NOTCH4: variants seen among roughly 807,000 people sequenced by gnomAD.
The protein encoded by NOTCH4 is notch receptor 4.
In NOTCH4, 138 loss-of-function variants were observed where a neutral mutation model predicts 189.0. That is an observed-to-expected ratio of 0.73 (90% CI 0.64 to 0.84). NOTCH4 has a LOEUF of 0.84. Ranked by LOEUF, NOTCH4 falls within the 40% of genes least tolerant of loss-of-function variation. NOTCH4 has a pLI of 0.00. For missense variants in NOTCH4, 2,286 were observed against 2,605.4 expected, an observed-to-expected ratio of 0.88 and a Z score of 2.67; for synonymous variants, 942 against 1,032.8, an observed-to-expected ratio of 0.91 and a Z score of 1.69.
chr6:32,220,503 T>G lies in NOTCH4; in HGVS notation c.1061A>C (p.Glu354Ala), dbSNP rs150865986. The G allele has an allele frequency of 1.2e-6, 2 of 1,613,464 alleles. No individual in the cohort carries two copies. The highest frequency in any genetic ancestry group is 4.5e-5 in the East Asian group (2 of 44,876). The change falls in exon 6 of 30, where the codon GAG becomes GCG. Residue 354 changes from glutamate (E) to alanine (A), a missense_variant. Around this residue, in one of 2 missense-constraint regions of NOTCH4, gnomAD observed 1,903 missense variants for 2,261.9 expected, o/e 0.84. Transcript: ENST00000375023. ...VSGWGGTSCE[E>A]NLDDCIAATC... ...GGCAGCAATACAGTCATCCAGGTTCTCCTCACAGCTTGTGCCGCCCCAGCC... is the reference window on the plus strand; with the variant it reads ...GGCAGCAATACAGTCATCCAGGTTCGCCTCACAGCTTGTGCCGCCCCAGCC...
At position 32,222,539 on chromosome 6, in the gene NOTCH4, T is replaced by C. The variant is rs1434938449; in HGVS notation, c.423A>G (p.Pro141=). ...TCCATCCAGGCATGCAGGAGCACTG[T>C]GGGCGGCCCGAGGCCTGGATGTGGC... is the stretch of plus-strand genomic sequence containing the variant. ...GRCHIQASGR[P]QCSCMPGWTG... Residue 141 remains proline, a synonymous_variant, in exon 3 of 30, where the codon CCA becomes CCG. Transcript: ENST00000375023. 6.4e-7 allele frequency: 1 copy of C among 1,555,998 alleles called. No individual in the cohort carries two copies. Among genetic ancestry groups the C allele is most frequent in the African/African-American group, 1.4e-5 (1 of 72,302 alleles).
chr6:32,195,724 G>A lies in NOTCH4; in HGVS notation c.5725C>T (p.Pro1909Ser). 1 of 1,612,792 alleles carries A rather than the reference G, an allele frequency of 6.2e-7. No homozygotes were observed. The highest frequency in any genetic ancestry group is 8.5e-7 in the Non-Finnish European group (1 of 1,179,924). The stretch of plus-strand genomic sequence containing the variant: ...GAAAACCTACGGCCGCGAGGGGTCG[G>A]GCCTCCTCCTGCTCCTACTCCCGAG... ...SLSGVGAGGGPTPRGRRFSAG... is the reference protein window; with the variant it reads ...SLSGVGAGGGSTPRGRRFSAG... Residue 1909 changes from proline to serine, a missense_variant, in exon 30 of 30, where the codon CCG becomes TCG. Pro to Ser is a moderately conservative substitution (Grantham distance 74, BLOSUM62 -1). This residue lies in a region of NOTCH4 where 383 missense variants were observed against 343.5 expected (regional missense o/e 1.11). Coordinates refer to ENST00000375023, the MANE Select transcript of NOTCH4 (RefSeq NM_004557.4). This position sits in a 1 kb window ranked among gnomAD's most constrained non-coding sequence, Gnocchi z 5.4.
Position 32,221,256 on chromosome 6 carries a change from G to A in NOTCH4, c.521C>T (p.Thr174Ile), listed in dbSNP as rs749296639. Residue 174 changes from threonine (T) to isoleucine (I), a missense_variant, in exon 4 of 30, where the codon ACA (threonine) becomes ATA (isoleucine). By Grantham distance (89) the Thr-to-Ile change is moderately conservative (BLOSUM62 -1). Coordinates refer to ENST00000375023, the MANE Select transcript of NOTCH4 (RefSeq NM_004557.4). The surrounding 1 kb of genome is among the most constrained non-coding windows in gnomAD (Gnocchi z 4.3). ...PCVNGGVCLATYPQIQCHCPP... is the reference protein window; with the variant it reads ...PCVNGGVCLAIYPQIQCHCPP... ...GCAGTGGCACTGGATCTGGGGGTAT[G>A]TGGCCAGACACACCCCTCCATTAAC... is the stretch of plus-strand genomic sequence containing the variant. 9.3e-6 allele frequency: 15 copies of A among 1,612,976 alleles called. No individual in the cohort carries two copies. The African/African-American group carries it at 9.3e-5, about 10-fold the overall frequency.
chr6:32,198,449 T>C lies in NOTCH4; in HGVS notation c.4728A>G (p.Glu1576=). The C allele has an allele frequency of 6.2e-7, 1 of 1,612,990 alleles. No homozygotes were observed. Among genetic ancestry groups the C allele is most frequent in the African/African-American group, 1.3e-5 (1 of 75,000 alleles). ...GTCCACGGGTGTCCAGGTCAGGGGC[T>C]TCCATCTCAGATTCCTGGGGAGGAG... ...MLTPPQESEM[E]APDLDTRGPD... The change falls in exon 26 of 30, where the codon GAA becomes GAG. Residue 1576 remains glutamate, a synonymous_variant. Coordinates refer to ENST00000375023, the MANE Select transcript of NOTCH4 (RefSeq NM_004557.4). This position sits in a 1 kb window ranked among gnomAD's most constrained non-coding sequence, Gnocchi z 5.5.
chr6:32,219,147 A>G (rs970949420), intron 8 of NOTCH4, among the ~76,000 whole-genome samples: 1 of 151,998 alleles, frequency 6.6e-6, no homozygotes, highest in African/African-American at 2.4e-5. Flanking sequence ...TGTTGTACCA[A>G]ATTTTCCTGT....
chr6:32,214,225 C>T lies in NOTCH4; in HGVS notation c.2052G>A (p.Thr684=), dbSNP rs74753673. The T allele has an allele frequency of 2.5e-3, 4,035 of 1,613,384 alleles. 145 individuals carry two copies. The East Asian group carries it at 0.077, about 31-fold the overall frequency. The part of the protein sequence containing the change: ...RSSCVCDVGW[T]GPECEAELGG... ...CTAGCTCTGCCTCACACTCTGGCCCCGTCCAACCCACGTCACACACACATG... is the reference window on the plus strand; with the variant it reads ...CTAGCTCTGCCTCACACTCTGGCCCTGTCCAACCCACGTCACACACACATG... The change falls in exon 13 of 30, where the codon ACG becomes ACA. Residue 684 remains threonine, a synonymous_variant. Coordinates refer to ENST00000375023, the MANE Select transcript of NOTCH4 (RefSeq NM_004557.4).
rs75484377 is a variant in NOTCH4, at chr6:32,211,125, T to C, written c.2681-189A>G. Among the ~76,000 whole-genome samples, 3,772 of 152,122 alleles carry C rather than the reference T, an allele frequency of 0.025. 111 individuals are homozygous for C. The highest frequency in any genetic ancestry group is 0.1 in the East Asian group (515 of 5,174). On this transcript the variant is annotated intron_variant, in intron 17 of 29. Coordinates refer to ENST00000375023, the MANE Select transcript of NOTCH4 (RefSeq NM_004557.4). ...AATACAAAAAATTGGTCGGGCGTTG[T>C]GGCAGGCACCTGTAATCCCAGCTAC...
At chr6:32,215,005 C>T (rs931615471) in intron 12 of NOTCH4, among the ~76,000 whole-genome samples, 5 of 152,182 alleles carry the variant, frequency 3.3e-5, no homozygotes, top group Non-Finnish European at 5.9e-5. Flanking sequence ...TGCTCTGACC[C>T]CCTGGTCCTC....
rs151296236 is a variant in NOTCH4 at position 32,213,834 on chromosome 6, G to T, written c.2174C>A (p.Thr725Asn). Residue 725 changes from threonine to asparagine, a missense_variant, in exon 14 of 30, where the codon ACC (threonine) becomes AAC (asparagine). This residue lies in a region of NOTCH4 where 1,903 missense variants were observed against 2,261.9 expected (regional missense o/e 0.84). Transcript: ENST00000375023. ...ACAAGCTGTCATCTCCTCACTACAG[G>T]TGGGTCCTGAAGGAAACAGGTGGGG... The part of the protein sequence containing the change: ...CTCPTGYTGP[T>N]CSEEMTACHS... 9 of 1,611,738 alleles carry T rather than the reference G, an allele frequency of 5.6e-6. No homozygotes were observed. The highest frequency in any genetic ancestry group is 7.6e-6 in the Non-Finnish European group (9 of 1,179,792).
In NOTCH4 at chr6:32,210,996, TACGCCTGTA is replaced by T; in HGVS notation, c.2681-69_2681-61del. On this transcript the variant is annotated intron_variant, in intron 17 of 29. Transcript: ENST00000375023. The surrounding 1 kb of genome is among the most constrained non-coding windows in gnomAD (Gnocchi z 4.8). Reference sequence around the variant, plus strand: ...AAGTGGGGGGCCGGGCGCCATGGCTTACGCCTGTAATCCCAGCACTTTGGGAGGCCGAGG... The same window carrying T: ...AAGTGGGGGGCCGGGCGCCATGGCTTATCCCAGCACTTTGGGAGGCCGAGG... The T allele has an allele frequency of 6.7e-7, 1 of 1,482,110 alleles. No individual in the cohort carries two copies. Among genetic ancestry groups the T allele is most frequent in the African/African-American group, 1.4e-5 (1 of 71,204 alleles). The allele number at this position is 1,482,110 out of a possible 1,614,324, so 91.8% of individuals were successfully genotyped here.
In NOTCH4 at chr6:32,202,127, G is replaced by A. The variant is rs369735412; in HGVS notation, c.3704C>T (p.Ser1235Phe). 2 of 1,510,230 alleles carry A rather than the reference G, an allele frequency of 1.3e-6. No individual in the cohort carries two copies. The highest frequency in any genetic ancestry group is 1.8e-6 in the Non-Finnish European group (2 of 1,128,816). 93.6% of individuals were successfully genotyped at this position (1,510,230 alleles called of 1,614,324 possible). A position where few individuals can be genotyped will look rare whatever the true frequency, so the allele number is the denominator to read the frequency against. Residue 1235 changes from serine (S) to phenylalanine (F), a missense_variant, in exon 21 of 30, where the codon TCT becomes TTT. Ser to Phe is a radical substitution (Grantham distance 155). Coordinates refer to ENST00000375023, the MANE Select transcript of NOTCH4 (RefSeq NM_004557.4). This position sits in a 1 kb window ranked among gnomAD's most constrained non-coding sequence, Gnocchi z 5.7. Reference sequence around the variant, plus strand: ...GTAGCCATCAAACAGACACTCTTCAGAGTCACACTGTGGGTGGCACTGCCC... The same window carrying A: ...GTAGCCATCAAACAGACACTCTTCAAAGTCACACTGTGGGTGGCACTGCCC... ...RDGQCHPQCD[S>F]EECLFDGYDC...
At chr6:32,205,346 G>A (rs1257771886) in intron 18 of NOTCH4, among the ~76,000 whole-genome samples, 7 of 151,394 alleles carry the variant, frequency 4.6e-5, no homozygotes, top group African/African-American at 1.5e-4. Flanking sequence ...TCAGGAGTTC[G>A]AGACCAGCCT....
At chr6:32,223,382 T>C (rs969116506) in intron 1 of NOTCH4, among the ~76,000 whole-genome samples, 3 of 151,944 alleles carry the variant, frequency 2.0e-5, no homozygotes, top group African/African-American at 7.3e-5. Flanking sequence ...CGGAGGTGGC[T>C]CCCGGGAGGT....
Position 32,204,201 on chromosome 6 carries a change from T to C in NOTCH4, c.3054A>G (p.Thr1018=), listed in dbSNP as rs771096554. ...CCAGAGAGTGGCAGGCTGCAGTGCC[T>C]GTGGGGTGGCAGGGCTGGTCCAGAC... The part of the protein sequence containing the change: ...DECLDQPCHP[T]GTAACHSLAN... The change falls in exon 19 of 30, where the codon ACA becomes ACG. Residue 1018 remains threonine, a synonymous_variant. Coordinates refer to ENST00000375023, the MANE Select transcript of NOTCH4 (RefSeq NM_004557.4). The C allele has an allele frequency of 6.2e-7, 1 of 1,612,974 alleles. No homozygotes were observed. The highest frequency in any genetic ancestry group is 8.5e-7 in the Non-Finnish European group (1 of 1,180,004).
chr6:32,197,952 G>T (rs1788063059), intron 26 of NOTCH4, among the ~76,000 whole-genome samples: 1 of 151,972 alleles, frequency 6.6e-6, no homozygotes, highest in Non-Finnish European at 1.5e-5. Context: ...CTCCAGAGCA[G>T]CTGGGACTAC....
chr6:32,212,537 C>T lies in NOTCH4; in HGVS notation c.2617G>A (p.Gly873Arg), dbSNP rs760538818. Residue 873 changes from glycine (G) to arginine (R), a missense_variant, in exon 17 of 30, where the codon GGA becomes AGA. By Grantham distance (125) the Gly-to-Arg change is moderately radical (BLOSUM62 -2). Around this residue, in one of 2 missense-constraint regions of NOTCH4, gnomAD observed 1,903 missense variants for 2,261.9 expected, o/e 0.84. Coordinates refer to ENST00000375023, the MANE Select transcript of NOTCH4 (RefSeq NM_004557.4). This position sits in a 1 kb window ranked among gnomAD's most constrained non-coding sequence, Gnocchi z 4.4. Reference sequence around the variant, plus strand: ...AGGTTGCAGAGAGGCCCGGTCCATCCCTGGAGGCACAAGCAGTGGAAGGAG... The same window carrying T: ...AGGTTGCAGAGAGGCCCGGTCCATCTCTGGAGGCACAAGCAGTGGAAGGAG... ...GPSFHCLCLQ[G>R]WTGPLCNLPL... 16 of 1,613,036 alleles carry T rather than the reference C, an allele frequency of 9.9e-6. No homozygotes were observed. The highest frequency in any genetic ancestry group is 1.3e-5 in the Non-Finnish European group (15 of 1,179,988).
chr6:32,201,427 A>G lies in NOTCH4; in HGVS notation c.3829T>C (p.Cys1277Arg). The G allele has an allele frequency of 6.4e-7, 1 of 1,551,792 alleles. No individual in the cohort carries two copies. The highest frequency in any genetic ancestry group is 8.7e-7 in the Non-Finnish European group (1 of 1,150,838). Residue 1277 changes from cysteine to arginine, a missense_variant, in exon 22 of 30, where the codon TGT (cysteine) becomes CGT (arginine). This residue lies in a region of NOTCH4 where 1,903 missense variants were observed against 2,261.9 expected (regional missense o/e 0.84). Coordinates refer to ENST00000375023, the MANE Select transcript of NOTCH4 (RefSeq NM_004557.4). The surrounding 1 kb of genome is among the most constrained non-coding windows in gnomAD (Gnocchi z 5.5). ...CTGCAGTCACCTCCATCCCAGCCAC[A>G]CTCTGCAGTGTTGCAGCCTTTCTCA... ...HCEKGCNTAE[C>R]GWDGGDCRPE...
At chr6:32,222,063 C>T (rs537960264) in intron 3 of NOTCH4, among the ~76,000 whole-genome samples, 26 of 152,274 alleles carry the variant, frequency 1.7e-4, no homozygotes, top group African/African-American at 6.0e-4. Context: ...AATCCACTCT[C>T]TGGGTCACAT....
intron 8 of NOTCH4, among the ~76,000 whole-genome samples, chr6:32,219,168 G>A (rs1471067874): frequency 6.6e-6 from 1 of 152,112 alleles, no homozygotes; most frequent in Non-Finnish European, 1.5e-5. Context: ...TGTATCACAG[G>A]GCTTTTGGGA....
Sources: allele counts gnomAD v4.1 joint callset (sites outside exome capture counted in the v4.1 genomes callset), GRCh38; gene constraint gnomAD v4.1.1; regional missense constraint gnomAD v4.1.1; non-coding constraint Gnocchi (gnomAD v3.1); transcripts MANE v1.5; gene names NCBI Gene and HGNC (gene_info 2026-07-23, HGNC 2026-07-21).